ACSF3: variants seen among roughly 807,000 people sequenced by gnomAD.
ACSF3 encodes malonate--CoA ligase ACSF3, mitochondrial.
A neutral mutation model predicts 53.2 loss-of-function variants in ACSF3; 78 were observed. That is an observed-to-expected ratio of 1.47 (90% CI 1.22 to 1.77). ACSF3 has a LOEUF of 1.77. Ranked by LOEUF, ACSF3 falls within the 40% of genes most tolerant of loss-of-function variation. ACSF3 has a pLI of 0.00. For synonymous variants in ACSF3, 414 were observed against 333.1 expected, an observed-to-expected ratio of 1.24 and a Z score of -2.65; for missense variants, 937 against 771.1, an observed-to-expected ratio of 1.22 and a Z score of -2.55.
At chr16:89,107,954 C>T (rs1248698979) in intron 4 of ACSF3, among the ~76,000 whole-genome samples, 2 of 152,162 alleles carry the variant, frequency 1.3e-5, no homozygotes, top group African/African-American at 2.4e-5. Context: ...TAATTGGACT[C>T]GCAGTTCCAC....
In ACSF3 at chr16:89,133,270, C is replaced by T. The variant is rs773327286; in HGVS notation, c.1366+8C>T. On this transcript the variant is annotated splice_region_variant and intron_variant, in intron 8 of 10. Transcript: ENST00000614302. ...ATGGCTGGTTTAAGACAGGTAGGAC[C>T]CAGCCCCATGGGAGTGGAGGAGACC... is the stretch of plus-strand genomic sequence containing the variant. 1.2e-5 allele frequency: 20 copies of T among 1,613,982 alleles called. No individual in the cohort carries two copies. The South Asian group carries it at 2.0e-4, about 16-fold the overall frequency.
intron 9 of ACSF3, among the ~76,000 whole-genome samples, chr16:89,145,700 G>T (rs1415556158): frequency 6.6e-6 from 1 of 152,220 alleles, no homozygotes; most frequent in Non-Finnish European, 1.5e-5. Flanking sequence ...GAGCCAAGGG[G>T]CGGGAAGGCA....
At chr16:89,138,865 A>AT (rs1229968991) in intron 8 of ACSF3, among the ~76,000 whole-genome samples, 2 of 152,252 alleles carry the variant, frequency 1.3e-5, no homozygotes, top group Admixed American at 6.5e-5. Flanking sequence ...GTGTTTTTAC[A>AT]TTTTTATTTT....
chr16:89,095,510 G>A (rs552089377), intron 1 of ACSF3, among the ~76,000 whole-genome samples: 325 of 150,520 alleles, frequency 2.2e-3, no homozygotes, highest in Non-Finnish European at 3.5e-3. Flanking sequence ...ATCCTGCCCC[G>A]CAGGCCGAGC....
At chr16:89,125,983 C>T (rs918848742) in intron 7 of ACSF3, among the ~76,000 whole-genome samples, 17 of 151,912 alleles carry the variant, frequency 1.1e-4, no homozygotes, top group Non-Finnish European at 2.1e-4. Context: ...TCCGCAAACA[C>T]GGTATATCTC....
chr16:89,125,647 C>T (rs1907857473), intron 7 of ACSF3, among the ~76,000 whole-genome samples: 2 of 149,706 alleles, frequency 1.3e-5, no homozygotes, highest in East Asian at 2.0e-4. Context: ...GCCAAGACTG[C>T]ACCACTGCAC....
chr16:89,139,883 G>A (rs979911776), intron 8 of ACSF3, among the ~76,000 whole-genome samples: 1 of 152,042 alleles, frequency 6.6e-6, no homozygotes, highest in East Asian at 1.9e-4. Flanking sequence ...ATGAGCCACC[G>A]CACCCAACCA....
At chr16:89,120,524 C>T (rs1441460084) in intron 6 of ACSF3, among the ~76,000 whole-genome samples, 1 of 152,236 alleles carries the variant, frequency 6.6e-6, no homozygotes, top group East Asian at 1.9e-4. Flanking sequence ...CAGGCCAGGC[C>T]CAGCGTGCCA....
intron 1 of ACSF3, among the ~76,000 whole-genome samples, chr16:89,097,831 C>T (rs1974801634): frequency 1.3e-5 from 2 of 152,148 alleles, no homozygotes; most frequent in Admixed American, 6.5e-5. Flanking sequence ...GCAGGACTGA[C>T]CGTTTGGTAG....
intron 4 of ACSF3, among the ~76,000 whole-genome samples, chr16:89,104,975 C>A (rs974991651): frequency 1.3e-5 from 2 of 152,226 alleles, no homozygotes; most frequent in Non-Finnish European, 2.9e-5. Context: ...AGCACACTTG[C>A]GTGATTAGCC....
chr16:89,137,211 C>A (rs72817491), intron 8 of ACSF3, among the ~76,000 whole-genome samples: 6,184 of 151,398 alleles, frequency 0.041, 213 homozygotes, highest in East Asian at 0.12. Flanking sequence ...TAACCGAACT[C>A]CTTAGAGAAG....
At chr16:89,120,697 A>G in intron 6 of ACSF3, 104 bp from the exon 7 acceptor site, 1 of 1,099,864 alleles carries the variant, frequency 9.1e-7, no homozygotes, top group Non-Finnish European at 1.4e-6. Context: ...AGACTCCCGC[A>G]CGTGGCACAC....
At chr16:89,110,140 T>A (rs925997746) in intron 4 of ACSF3, among the ~76,000 whole-genome samples, 8 of 152,056 alleles carry the variant, frequency 5.3e-5, no homozygotes, top group South Asian at 4.2e-4. Context: ...ATAAAAAAAA[T>A]TTTAAAAATA....
intron 7 of ACSF3, among the ~76,000 whole-genome samples, chr16:89,121,489 AT>A (rs1307174179): frequency 1.3e-5 from 2 of 152,234 alleles, no homozygotes; most frequent in African/African-American, 4.8e-5. Context: ...ACATTGTCTC[AT>A]TTCTGTGAGG....
chr16:89,138,143 A>T (rs1209431073), intron 8 of ACSF3, among the ~76,000 whole-genome samples: 1 of 152,160 alleles, frequency 6.6e-6, no homozygotes, highest in African/African-American at 2.4e-5. Context: ...GTGGAGGCCA[A>T]GTGGGGACCG....
At chr16:89,103,063 C>T (rs1435621794) in intron 4 of ACSF3, among the ~76,000 whole-genome samples, 1 of 152,222 alleles carries the variant, frequency 6.6e-6, no homozygotes, top group Non-Finnish European at 1.5e-5. Flanking sequence ...TTAACAATAA[C>T]AGAACAGTTA....
chr16:89,147,920 C>G (rs1913408576), intron 10 of ACSF3: 2 of 152,184 alleles, frequency 1.3e-5, no homozygotes, highest in Non-Finnish European at 2.9e-5. Context: ...GTCCTTTTCA[C>G]CTATGAGCCT....
intron 4 of ACSF3, among the ~76,000 whole-genome samples, chr16:89,103,253 C>T (rs532027663): frequency 7.9e-5 from 12 of 152,350 alleles, no homozygotes; most frequent in African/African-American, 2.4e-4. Context: ...CCTGCGGCTG[C>T]GGCGAATGCT....
At chr16:89,117,750 C>T (rs1277442823) in intron 6 of ACSF3, among the ~76,000 whole-genome samples, 2 of 152,138 alleles carry the variant, frequency 1.3e-5, no homozygotes, top group Admixed American at 1.3e-4. Flanking sequence ...GGAATCAGAA[C>T]TCCTAGGCGA....
Sources: allele counts gnomAD v4.1 joint callset (sites outside exome capture counted in the v4.1 genomes callset), GRCh38; gene constraint gnomAD v4.1.1; transcripts MANE v1.5; gene names NCBI Gene and HGNC (gene_info 2026-07-23, HGNC 2026-07-21).